The following LYPD6B variants were observed in gnomAD, a reference collection of about 807,000 sequenced individuals.
The protein encoded by LYPD6B is LY6/PLAUR domain containing 6B, also known as ly6/PLAUR domain-containing protein 6B.
A neutral mutation model predicts 22.8 loss-of-function variants in LYPD6B; 17 were observed. The ratio of observed to expected loss-of-function variants is 0.75; its 90% confidence interval spans 0.51 to 1.12. LYPD6B has a LOEUF of 1.12. LYPD6B is among the 50% of genes most tolerant of loss of function. LYPD6B has a pLI of 0.00. For synonymous variants in LYPD6B, 106 were observed against 91.6 expected, an observed-to-expected ratio of 1.16 and a Z score of -0.90; for missense variants, 221 against 258.3, an observed-to-expected ratio of 0.86 and a Z score of 0.99.
chr2:149,209,857 C>T lies in LYPD6B; in HGVS notation c.328+1445C>T, dbSNP rs189373957. Among the ~76,000 whole-genome samples, 8 of 151,942 alleles carry T rather than the reference C, an allele frequency of 5.3e-5. No individual in the cohort carries two copies. In the South Asian group the frequency reaches 8.3e-4, roughly 16 times the overall value. On this transcript the variant is annotated intron_variant, in intron 5 of 6. Coordinates refer to ENST00000409642, the MANE Select transcript of LYPD6B (RefSeq NM_177964.5). ...AGGGATCATCCTTAAGTTGTGTGTG[C>T]GCTTATGAGTGTATGTGCATGCATG...
In LYPD6B at chr2:149,080,832, ACT is replaced by A. The variant is rs1685089726; in HGVS notation, c.-67+42034_-67+42035del. Among the ~76,000 whole-genome samples, 6 of 130,596 alleles carry A rather than the reference ACT, an allele frequency of 4.6e-5. No individual in the cohort carries two copies. In the South Asian group the frequency reaches 1.3e-3, roughly 28 times the overall value. The allele number at this position is 130,596 out of a possible 152,430, so 85.7% of individuals were successfully genotyped here. On this transcript the variant is annotated intron_variant, in intron 1 of 6. Coordinates refer to ENST00000409642, the MANE Select transcript of LYPD6B (RefSeq NM_177964.5). ...ACTCCAGCCTGGGTAACAGAGCAAG[ACT>A]CTATCTCAAAAAAAAAAAAAAAAAA...
chr2:149,042,343 T>C (rs1683120885), intron 1 of LYPD6B, among the ~76,000 whole-genome samples: 1 of 152,218 alleles, frequency 6.6e-6, no homozygotes, highest in African/African-American at 2.4e-5. Flanking sequence ...TTGGTGGACA[T>C]TGGTGCTGGA....
intron 3 of LYPD6B, among the ~76,000 whole-genome samples, chr2:149,193,930 T>A (rs78872997): frequency 1.9e-3 from 283 of 152,334 alleles, no homozygotes; most frequent in African/African-American, 6.6e-3. Flanking sequence ...CTCAGTGGGC[T>A]TCAGCGCTAT....
chr2:149,197,875 AG>A (rs1159499619), intron 3 of LYPD6B, among the ~76,000 whole-genome samples: 1 of 152,182 alleles, frequency 6.6e-6, no homozygotes, highest in Non-Finnish European at 1.5e-5. Flanking sequence ...GGAAACAAAC[AG>A]GGTAAAAATT....
intron 3 of LYPD6B, among the ~76,000 whole-genome samples, chr2:149,175,061 C>CTCTCTGTGTGTGTGTG (rs1454802925): frequency 4.4e-5 from 5 of 113,072 alleles, no homozygotes; most frequent in African/African-American, 9.7e-5. Flanking sequence ...CTCTCTCTCT[C>CTCTCTGTGTGTGTGTG]TGTGTGTGTG....
intron 1 of LYPD6B, among the ~76,000 whole-genome samples, chr2:149,094,749 T>C (rs912793297): frequency 6.6e-6 from 1 of 152,230 alleles, no homozygotes; most frequent in Non-Finnish European, 1.5e-5. Context: ...TCCTTGTCAA[T>C]AGATAGATCT....
chr2:149,160,526 C>T, intron 2 of LYPD6B: 1 of 625,560 alleles, frequency 1.6e-6, no homozygotes, highest in Middle Eastern at 2.5e-4. Context: ...AGATGGGGCC[C>T]AGGTGTGTGT....
At chr2:149,081,379 G>A (rs917186166) in intron 1 of LYPD6B, among the ~76,000 whole-genome samples, 1 of 152,206 alleles carries the variant, frequency 6.6e-6, no homozygotes, top group African/African-American at 2.4e-5. Flanking sequence ...AGAAACAGAA[G>A]TCAGAGTTCT....
intron 1 of LYPD6B, among the ~76,000 whole-genome samples, chr2:149,047,280 T>C (rs1683352206): frequency 6.6e-6 from 1 of 152,182 alleles, no homozygotes; most frequent in Non-Finnish European, 1.5e-5. Context: ...TTTCTATTTT[T>C]CCTGCATCTT....
At chr2:149,047,629 T>C (rs1357385874) in intron 1 of LYPD6B, among the ~76,000 whole-genome samples, 1 of 152,144 alleles carries the variant, frequency 6.6e-6, no homozygotes, top group East Asian at 1.9e-4. Flanking sequence ...ATACCTGATG[T>C]TCTTGAGCTC....
chr2:149,115,021 C>T (rs999836349), intron 1 of LYPD6B, among the ~76,000 whole-genome samples: 2 of 152,170 alleles, frequency 1.3e-5, no homozygotes, highest in East Asian at 1.9e-4. Flanking sequence ...CTCACTGCAG[C>T]CTCTGCCTCC....
chr2:149,163,658 C>T (rs565043138), intron 3 of LYPD6B, among the ~76,000 whole-genome samples: 1 of 152,300 alleles, frequency 6.6e-6, no homozygotes, highest in East Asian at 1.9e-4. Flanking sequence ...GTTCTTCCCT[C>T]AGGTTACAGG....
At chr2:149,112,049 G>C (rs1394872007) in intron 1 of LYPD6B, among the ~76,000 whole-genome samples, 3 of 152,214 alleles carry the variant, frequency 2.0e-5, no homozygotes, top group African/African-American at 7.2e-5. Context: ...TCCGGTTGAA[G>C]TGGTAAGAAT....
At chr2:149,049,731 A>G (rs1466838797) in intron 1 of LYPD6B, among the ~76,000 whole-genome samples, 1 of 152,188 alleles carries the variant, frequency 6.6e-6, no homozygotes, top group Non-Finnish European at 1.5e-5. Context: ...TCAAAAAGTT[A>G]TGTTGTGAGT....
chr2:149,160,717 T>G (rs1446952466), intron 2 of LYPD6B, 47 bp from the exon 3 acceptor site: 1 of 1,305,258 alleles, frequency 7.7e-7, no homozygotes, highest in African/African-American at 1.5e-5. Flanking sequence ...AGAACGTTAC[T>G]CATCGTCAGC....
intron 3 of LYPD6B, among the ~76,000 whole-genome samples, chr2:149,178,301 CTTTCATATTTAGT>C (rs1691463295): frequency 6.6e-6 from 1 of 152,098 alleles, no homozygotes; most frequent in African/African-American, 2.4e-5. Flanking sequence ...AATGTCAGGG[CTTTCATATTTAGT>C]TTTCATCTTT....
At chr2:149,115,543 G>A (rs1386144794) in intron 1 of LYPD6B, among the ~76,000 whole-genome samples, 5 of 152,200 alleles carry the variant, frequency 3.3e-5, no homozygotes, top group Admixed American at 6.5e-5. Flanking sequence ...GCTTGAACAT[G>A]AGCCACTTTT....
At chr2:149,210,611 G>C (rs1290543146) in intron 5 of LYPD6B, among the ~76,000 whole-genome samples, 1 of 152,078 alleles carries the variant, frequency 6.6e-6, no homozygotes, top group Non-Finnish European at 1.5e-5. Flanking sequence ...TCACTTCTGT[G>C]GTCTGTTGGT....
intron 3 of LYPD6B, among the ~76,000 whole-genome samples, chr2:149,186,374 G>A (rs955301282): frequency 1.8e-4 from 27 of 152,214 alleles, no homozygotes; most frequent in Admixed American, 1.6e-3. Context: ...TCCAGAGCAA[G>A]GCCCTAGCTC....
Sources: gnomAD v4.1 joint callset for allele counts (sites outside exome capture counted in the v4.1 genomes callset) on GRCh38, gnomAD v4.1.1 for gene constraint, MANE v1.5 for transcripts, NCBI Gene and HGNC (gene_info 2026-07-23, HGNC 2026-07-21) for gene names.